Variants in ARID3B observed in about 807,000 individuals in gnomAD.
The protein encoded by ARID3B is AT-rich interactive domain-containing protein 3B.
ARID3B carries 10 observed loss-of-function variants against 51.9 expected under a neutral mutation model. The ratio of observed to expected loss-of-function variants is 0.19; its 90% CI spans 0.12 to 0.33. ARID3B has a LOEUF of 0.33. Among genes scored for constraint, ARID3B ranks in the 10% least tolerant of loss-of-function variants. ARID3B has a pLI of 1.00. For synonymous variants in ARID3B, 205 were observed against 279.5 expected, an observed-to-expected ratio of 0.73 and a Z score of 2.66; for missense variants, 483 against 716.3, an observed-to-expected ratio of 0.67 and a Z score of 3.72.
At chr15:74,561,021 G>A (rs2061677973) in intron 2 of ARID3B, among the ~76,000 whole-genome samples, 2 of 152,168 alleles carry the variant, frequency 1.3e-5, no homozygotes, top group South Asian at 4.1e-4. Context: ...CTGGGCTCAA[G>A]CAATCCTTGT....
chr15:74,571,711 T>C (rs960690673), intron 2 of ARID3B, among the ~76,000 whole-genome samples: 1 of 152,202 alleles, frequency 6.6e-6, no homozygotes, highest in Non-Finnish European at 1.5e-5. Context: ...ACTTCCCAAG[T>C]AATATGTTAA....
intron 2 of ARID3B, among the ~76,000 whole-genome samples, chr15:74,567,092 A>ACATC (rs2061702076): frequency 6.6e-6 from 1 of 152,228 alleles, no homozygotes. Context: ...TGTCCAGAAA[A>ACATC]CATCCACTGC....
Position 74,541,314 on chromosome 15 carries a change from C to G in ARID3B, c.-94C>G, listed in dbSNP as rs2061594207. The G allele has an allele frequency of 6.8e-6, 1 of 148,058 alleles. No homozygotes were observed. Among genetic ancestry groups the G allele is most frequent in the Non-Finnish European group, 1.5e-5 (1 of 66,238 alleles). 9.2% of individuals were successfully genotyped at this position (148,058 alleles called of 1,614,324 possible). On this transcript the variant is annotated 5_prime_UTR_variant, in exon 1 of 9. Coordinates refer to ENST00000346246, the MANE Select transcript of ARID3B (RefSeq NM_006465.4). Reference sequence around the variant, plus strand: ...CCGCCTCCTCCGCCGCCCGAAAACCCGGAGTGCCCCGCACAGGTAAGTGGC... The same window carrying G: ...CCGCCTCCTCCGCCGCCCGAAAACCGGGAGTGCCCCGCACAGGTAAGTGGC...
chr15:74,579,051 A>AAGCAGACAGCTCTGAGGGATGC (rs1178316491), intron 4 of ARID3B, among the ~76,000 whole-genome samples: 10 of 152,200 alleles, frequency 6.6e-5, no homozygotes, highest in East Asian at 1.9e-4. Context: ...CCCACAGAGG[A>AAGCAGACAGCTCTGAGGGATGC]AGCAGACAGC....
At chr15:74,581,726 C>T (rs990004158) in intron 4 of ARID3B, among the ~76,000 whole-genome samples, 1 of 152,184 alleles carries the variant, frequency 6.6e-6, no homozygotes, top group African/African-American at 2.4e-5. Flanking sequence ...TTGAAAGTCA[C>T]AATTAATTTG....
chr15:74,594,492 G>A (rs558776518), intron 8 of ARID3B, among the ~76,000 whole-genome samples: 1 of 152,248 alleles, frequency 6.6e-6, no homozygotes, highest in African/African-American at 2.4e-5. Flanking sequence ...ACCAGGCCTG[G>A]CCCAGGGCAT....
chr15:74,586,277 A>G (rs903821481), intron 4 of ARID3B, among the ~76,000 whole-genome samples: 4 of 152,162 alleles, frequency 2.6e-5, no homozygotes, highest in Non-Finnish European at 4.4e-5. Context: ...CTGGGAAGAG[A>G]TCACTTATTA....
At chr15:74,551,406 T>C (rs1159050115) in intron 2 of ARID3B, among the ~76,000 whole-genome samples, 4 of 152,194 alleles carry the variant, frequency 2.6e-5, no homozygotes, top group Admixed American at 2.6e-4. Context: ...GTTCTTTAGG[T>C]AGAAGTAAGC....
intron 2 of ARID3B, among the ~76,000 whole-genome samples, chr15:74,559,660 A>G (rs970287574): frequency 6.6e-6 from 1 of 152,186 alleles, no homozygotes; most frequent in Non-Finnish European, 1.5e-5. Flanking sequence ...GCTCCCTTCC[A>G]GATAGAACAG....
chr15:74,581,512 C>T (rs1025751575), intron 4 of ARID3B, among the ~76,000 whole-genome samples: 2 of 152,168 alleles, frequency 1.3e-5, no homozygotes, highest in African/African-American at 4.8e-5. Context: ...GCTTCATTTT[C>T]TAACTTTATC....
chr15:74,588,266 T>C (rs1005180125), intron 4 of ARID3B, among the ~76,000 whole-genome samples: 2 of 149,810 alleles, frequency 1.3e-5, no homozygotes, highest in African/African-American at 2.4e-5. Context: ...AGAAGAGGCC[T>C]GGTCCTGCCG....
chr15:74,556,877 C>T (rs1462423781), intron 2 of ARID3B, among the ~76,000 whole-genome samples: 2 of 148,644 alleles, frequency 1.3e-5, no homozygotes, highest in Non-Finnish European at 3.0e-5. Flanking sequence ...CAGGTTCAAG[C>T]GATTCTTCTG....
rs1346746888 is a variant in ARID3B at position 74,573,288 on chromosome 15, G to T, written c.697+84G>T. On this transcript the variant is annotated intron_variant, in intron 4 of 8. Transcript: ENST00000346246. Reference sequence around the variant, plus strand: ...GTGCTAGTCACTGTTAGACATCCTGGCCCACTAATCCTCATCCAGGAGGAG... The same window carrying T: ...GTGCTAGTCACTGTTAGACATCCTGTCCCACTAATCCTCATCCAGGAGGAG... 2.8e-6 allele frequency: 4 copies of T among 1,423,252 alleles called. No homozygotes were observed. In the Admixed American group the frequency reaches 6.7e-5, roughly 24 times the overall value. 88.2% of individuals were successfully genotyped at this position (1,423,252 alleles called of 1,614,324 possible). A position where few individuals can be genotyped will look rare whatever the true frequency, so the allele number is the denominator to read the frequency against.
chr15:74,567,392 T>C (rs1413098354), intron 2 of ARID3B, among the ~76,000 whole-genome samples: 1 of 152,220 alleles, frequency 6.6e-6, no homozygotes, highest in African/African-American at 2.4e-5. Flanking sequence ...ATGTGTTCAG[T>C]TTGTTTTTCC....
chr15:74,593,628 A>G (rs1389774655), intron 8 of ARID3B, among the ~76,000 whole-genome samples: 1 of 152,200 alleles, frequency 6.6e-6, no homozygotes, highest in African/African-American at 2.4e-5. Flanking sequence ...ATCAGCTTAC[A>G]TTGTTAAGCT....
At chr15:74,542,166 G>C (rs2061597748) in intron 1 of ARID3B, among the ~76,000 whole-genome samples, 2 of 152,224 alleles carry the variant, frequency 1.3e-5, no homozygotes, top group Admixed American at 1.3e-4. Flanking sequence ...TTGATTGACT[G>C]TAATGACTAT....
intron 2 of ARID3B, among the ~76,000 whole-genome samples, chr15:74,565,733 T>C (rs2061695635): frequency 6.7e-6 from 1 of 149,244 alleles, no homozygotes; most frequent in Non-Finnish European, 1.5e-5. Context: ...TTGTTTTTTT[T>C]GTTTTTTTTT....
chr15:74,554,837 A>G (rs2061651500), intron 2 of ARID3B, among the ~76,000 whole-genome samples: 1 of 152,174 alleles, frequency 6.6e-6, no homozygotes, highest in African/African-American at 2.4e-5. Context: ...AGACCACCAC[A>G]ATAAAGCAAT....
chr15:74,591,405 G>A lies in ARID3B; in HGVS notation c.1136G>A (p.Arg379Gln), dbSNP rs762464589. The A allele has an allele frequency of 3.4e-5, 54 of 1,607,308 alleles. No individual in the cohort carries two copies. The highest frequency in any genetic ancestry group is 4.3e-5 in the Non-Finnish European group (50 of 1,174,412). Residue 379 changes from arginine to glutamine, a missense_variant, in exon 6 of 9, where the codon CGG becomes CAG. By Grantham distance (43) the Arg-to-Gln change is conservative. Coordinates refer to ENST00000346246, the MANE Select transcript of ARID3B (RefSeq NM_006465.4). The surrounding 1 kb of genome is among the most constrained non-coding windows in gnomAD (Gnocchi z 5.8). ...SSSGTNTSSP[R>Q]ISPATTLRKG... ...AGTGGTACCAATACCAGTAGCCCTC[G>A]GATATCCCCAGCAACCACTCTCAGG...
Sources: gnomAD v4.1 joint callset for allele counts (sites outside exome capture counted in the v4.1 genomes callset) on GRCh38, gnomAD v4.1.1 for gene constraint, Gnocchi (gnomAD v3.1) non-coding constraint, MANE v1.5 for transcripts, NCBI Gene and HGNC (gene_info 2026-07-23, HGNC 2026-07-21) for gene names.